Variants in KLHL4 observed in about 807,000 individuals in gnomAD.
KLHL4 encodes kelch-like protein 4.
Under a neutral mutation model 45.8 loss-of-function variants are expected in KLHL4, and 17 were observed. The ratio of observed to expected loss-of-function variants is 0.37; its 90% CI spans 0.25 to 0.56. The LOEUF is 0.56. Among genes scored for constraint, KLHL4 ranks in the 20% least tolerant of loss-of-function variants. The pLI, the probability that KLHL4 is intolerant of heterozygous loss-of-function variation, is 0.79. For synonymous variants in KLHL4, 224 were observed against 189.9 expected (o/e 1.18, Z -1.47); for missense variants, 544 against 544.9 (o/e 1.00, Z 0.02).
chrX:87,598,270 G>T (rs1056774470), intron 1 of KLHL4, among the ~76,000 whole-genome samples: 1 of 110,475 alleles, frequency 9.1e-6, no homozygotes, highest in African/African-American at 3.3e-5. Flanking sequence ...TCTGTATGTG[G>T]TATTTCCCTT....
chrX:87,585,237 A>AAT (rs1921426218), intron 1 of KLHL4, among the ~76,000 whole-genome samples: 1 of 111,944 alleles, frequency 8.9e-6, no homozygotes, highest in Admixed American at 9.5e-5. Context: ...AGAAATGCTA[A>AAT]AGGGAGAACT....
chrX:87,580,098 T>G (rs1921224929), intron 1 of KLHL4, among the ~76,000 whole-genome samples: 1 of 111,069 alleles, frequency 9.0e-6, no homozygotes, highest in Admixed American at 9.6e-5. Flanking sequence ...GAAAGAGAAG[T>G]AAATATGTAG....
chrX:87,530,963 C>T (rs1296511512), intron 1 of KLHL4, among the ~76,000 whole-genome samples: 1 of 111,363 alleles, frequency 9.0e-6, no homozygotes, highest in Non-Finnish European at 1.9e-5. Context: ...GATTGCCATT[C>T]TAACTGGTGT....
chrX:87,623,178 A>T (rs993013160), intron 5 of KLHL4, among the ~76,000 whole-genome samples: 2 of 111,379 alleles, frequency 1.8e-5, no homozygotes, highest in Non-Finnish European at 3.8e-5. Flanking sequence ...GATTTAGTGG[A>T]TCAATAATTT....
intron 1 of KLHL4, among the ~76,000 whole-genome samples, chrX:87,588,781 A>AAAG (rs752778374): frequency 4.5e-5 from 5 of 110,029 alleles, no homozygotes; most frequent in Non-Finnish European, 9.5e-5. Flanking sequence ...CAGGCAACCA[A>AAAG]AAGAAGAAGA....
At chrX:87,607,156 C>CT (rs1230521896) in intron 1 of KLHL4, among the ~76,000 whole-genome samples, 1 of 111,150 alleles carries the variant, frequency 9.0e-6, no homozygotes, top group Non-Finnish European at 1.9e-5. Flanking sequence ...TCTATGCCAT[C>CT]TTTTTTATTC....
intron 1 of KLHL4, among the ~76,000 whole-genome samples, chrX:87,586,204 C>T (rs1447360342): frequency 9.0e-6 from 1 of 110,794 alleles, no homozygotes; most frequent in African/African-American, 3.3e-5. Context: ...CCACTTTCAG[C>T]ATTGGATAGA....
intron 10 of KLHL4, among the ~76,000 whole-genome samples, chrX:87,666,269 C>A (rs1312337761): frequency 9.0e-6 from 1 of 111,352 alleles, no homozygotes; most frequent in African/African-American, 3.3e-5. Context: ...TCACCTGATC[C>A]TCAAACTCAG....
At chrX:87,619,951 G>A (rs1922694150) in intron 4 of KLHL4, among the ~76,000 whole-genome samples, 1 of 111,721 alleles carries the variant, frequency 9.0e-6, no homozygotes, top group Non-Finnish European at 1.9e-5. Flanking sequence ...GGATTCAATT[G>A]TAATCATGTG....
intron 1 of KLHL4, among the ~76,000 whole-genome samples, chrX:87,592,713 T>C (rs1428883881): frequency 8.9e-6 from 1 of 112,570 alleles, no homozygotes; most frequent in Admixed American, 9.4e-5. Flanking sequence ...GTATGTTTTC[T>C]TTTGAGAAAT....
chrX:87,569,358 G>A (rs1261457985), intron 1 of KLHL4, among the ~76,000 whole-genome samples: 1 of 111,496 alleles, frequency 9.0e-6, no homozygotes, highest in East Asian at 2.8e-4. Context: ...GAACCCTCAA[G>A]TATTGTTGAT....
intron 1 of KLHL4, among the ~76,000 whole-genome samples, chrX:87,592,808 G>A (rs909869840): frequency 1.8e-5 from 2 of 111,621 alleles, no homozygotes; most frequent in African/African-American, 6.5e-5. Flanking sequence ...ACATATTCTG[G>A]TTATTAATTC....
intron 1 of KLHL4, among the ~76,000 whole-genome samples, chrX:87,586,034 T>G (rs191389579): frequency 9.0e-6 from 1 of 111,643 alleles, no homozygotes; most frequent in African/African-American, 3.2e-5. Flanking sequence ...AAAAAGATGG[T>G]CACTATATCA....
At chrX:87,624,790 A>T (rs1922869844) in intron 5 of KLHL4, among the ~76,000 whole-genome samples, 1 of 112,390 alleles carries the variant, frequency 8.9e-6, no homozygotes, top group Admixed American at 9.5e-5. Flanking sequence ...CCAGGTAATG[A>T]TAGTTAAAAA....
chrX:87,633,841 C>T lies in KLHL4; in HGVS notation c.1642C>T (p.Arg548Ter), dbSNP rs865932566. Residue 548 changes from arginine to a stop codon, truncating the protein, a stop_gained, in exon 8 of 11, where the codon CGA (arginine) becomes TGA (stop). Transcript: ENST00000373119. LOFTEE classifies it high-confidence loss of function. ...NTVERWDPEGRQWNYVASMST... is the reference protein window; with the variant it reads ...NTVERWDPEG Reference sequence around the variant, plus strand: ...TGTAGAAAGATGGGACCCTGAGGGACGACAGTGGAATTACGTAGCCAGTAT... The same window carrying T: ...TGTAGAAAGATGGGACCCTGAGGGATGACAGTGGAATTACGTAGCCAGTAT... The T allele has an allele frequency of 1.7e-6, 2 of 1,208,391 alleles. No homozygotes were observed. The highest frequency in any genetic ancestry group is 2.2e-6 in the Non-Finnish European group (2 of 893,462).
At position 87,669,600 on chromosome X, in the gene KLHL4, G is replaced by C; in HGVS notation, c.*3066G>C. The C allele has an allele frequency of 4.3e-6, 1 of 231,628 alleles. No individual in the cohort carries two copies. The highest frequency in any genetic ancestry group is 7.3e-6 in the Non-Finnish European group (1 of 137,749). 19.1% of individuals were successfully genotyped at this position (231,628 alleles called of 1,213,427 possible). ...ACCTTGAGATCTTAGTCTAGGTAAA[G>C]AAAAAAAAAAAAAGGTCATGAAACA... On this transcript the variant is annotated 3_prime_UTR_variant, in exon 11 of 11. Coordinates refer to ENST00000373119, the MANE Select transcript of KLHL4 (RefSeq NM_019117.5).
Position 87,625,658 on chromosome X carries a change from T to A in KLHL4, c.1186T>A (p.Cys396Ser). The A allele has an allele frequency of 8.3e-7, 1 of 1,208,279 alleles. No homozygotes were observed. Among genetic ancestry groups the A allele is most frequent in the East Asian group, 3.0e-5 (1 of 33,781 alleles). The change falls in exon 6 of 11, where the codon TGT becomes AGT. Residue 396 changes from cysteine to serine, a missense_variant. Transcript: ENST00000373119. ...TTCCATGTTTACTGGTGATCTTGAG[T>A]GTCAGAAGCTCCTGATGGAAGCTAT... Reference protein sequence around the residue: ...TSSMFTGDLECQKLLMEAMKY... With the variant: ...TSSMFTGDLESQKLLMEAMKY...
intron 5 of KLHL4, among the ~76,000 whole-genome samples, chrX:87,623,868 T>C (rs191228380): frequency 9.0e-6 from 1 of 111,723 alleles, no homozygotes; most frequent in African/African-American, 3.3e-5. Flanking sequence ...TACACTTATA[T>C]GTATTATTTT....
chrX:87,655,311 G>T (rs1451028688), intron 9 of KLHL4, among the ~76,000 whole-genome samples: 2 of 111,773 alleles, frequency 1.8e-5, no homozygotes, highest in Non-Finnish European at 3.8e-5. Context: ...CACTATTATT[G>T]CATTGCTTCC....
Sources: gnomAD v4.1 joint callset for allele counts (sites outside exome capture counted in the v4.1 genomes callset) on GRCh38, gnomAD v4.1.1 for gene constraint, MANE v1.5 for transcripts, NCBI Gene and HGNC (gene_info 2026-07-23, HGNC 2026-07-21) for gene names.